The following PTPRD variants were observed in gnomAD, a reference collection of about 807,000 sequenced individuals.
PTPRD encodes the protein receptor-type tyrosine-protein phosphatase delta.
Under a neutral mutation model 214.5 loss-of-function variants are expected in PTPRD, and 34 were observed. That is an observed-to-expected ratio of 0.16 (90% CI 0.12 to 0.21). PTPRD has a LOEUF of 0.21. Ranked by LOEUF, PTPRD falls within the 10% of genes least tolerant of loss-of-function variation. PTPRD has a pLI of 1.00. For missense variants in PTPRD, 2,545 were observed against 2,398.7 expected (o/e 1.06, Z -1.27); for synonymous variants, 1,128 against 845.7 (o/e 1.33, Z -5.79).
chr9:10,033,982 T>C (rs573490274), intron 3 of PTPRD, among the ~76,000 whole-genome samples, 192 bp from the exon 4 acceptor site: 17 of 152,256 alleles, frequency 1.1e-4, no homozygotes, highest in African/African-American at 3.4e-4. Flanking sequence ...ATGTAAAGTA[T>C]TGTAGCCTAT....
intron 4 of PTPRD, among the ~76,000 whole-genome samples, chr9:9,963,249 T>C (rs2094476667): frequency 6.6e-6 from 1 of 152,120 alleles, no homozygotes; most frequent in African/African-American, 2.4e-5. Flanking sequence ...CTTACTTGAC[T>C]CCATTAAACA....
intron 5 of PTPRD, among the ~76,000 whole-genome samples, chr9:9,788,938 C>T (rs189193562): frequency 1.3e-5 from 2 of 152,292 alleles, no homozygotes; most frequent in African/African-American, 4.8e-5. Flanking sequence ...TATCGCTTTA[C>T]TCACAAGTTT....
intron 7 of PTPRD, among the ~76,000 whole-genome samples, chr9:9,686,393 A>G (rs1016550047): frequency 2.0e-5 from 3 of 151,356 alleles, no homozygotes; most frequent in Non-Finnish European, 4.4e-5. Flanking sequence ...CTGATCTGAT[A>G]TATATTTTCC....
rs919840948 is a variant in PTPRD at position 9,480,095 on chromosome 9, C to T, written c.-236-82613G>A. 3.3e-5 allele frequency among the ~76,000 whole-genome samples: 5 copies of T among 152,122 alleles called. No individual in the cohort carries two copies. In the East Asian group the frequency reaches 5.8e-4, roughly 18 times the overall value. ...TGCTATCAAAAATGCCATGAAAATA[C>T]TGCCCACAAAATTTGTTCCTGGGCA... On this transcript the variant is annotated intron_variant, in intron 8 of 45. Transcript: ENST00000381196.
At chr9:10,447,603 T>C (rs558348309) in intron 2 of PTPRD, among the ~76,000 whole-genome samples, 1 of 152,074 alleles carries the variant, frequency 6.6e-6, no homozygotes, top group South Asian at 2.1e-4. Flanking sequence ...TAACTAATCA[T>C]ACTATATACA....
intron 39 of PTPRD, among the ~76,000 whole-genome samples, chr9:8,357,074 T>C (rs1192600199): frequency 6.6e-6 from 1 of 152,188 alleles, no homozygotes; most frequent in Admixed American, 6.5e-5. Flanking sequence ...CTATTTTACA[T>C]AAGCTATACG....
rs1840965471 is a variant in PTPRD at position 8,331,457 on chromosome 9, T to TTTAAGTTTTGTAATA, written c.5534+110_5534+124dup. The TTTAAGTTTTGTAATA allele has an allele frequency of 5.5e-6, 6 of 1,099,370 alleles. No homozygotes were observed. The Admixed American group carries it at 1.6e-4, about 29-fold the overall frequency. 68.1% of individuals were successfully genotyped at this position (1,099,370 alleles called of 1,614,324 possible). On this transcript the variant is annotated intron_variant, in intron 44 of 45. Transcript: ENST00000381196. Reference sequence around the variant, plus strand: ...GAAAAGAAAGAGAAATCAATCCTGCTTTAAGTTTTGTAATACATTGCCAAG... The same window carrying TTTAAGTTTTGTAATA: ...GAAAAGAAAGAGAAATCAATCCTGCTTTAAGTTTTGTAATATTAAGTTTTGTAATACATTGCCAAG...
At position 10,126,419 on chromosome 9, in the gene PTPRD, TTATA is replaced by T. The variant is rs202005882; in HGVS notation, c.-544-92633_-544-92630del. ...ATTTGATTCCTTAAATAATACTGTT[TTATA>T]TATACACACACACACACACACACAC... is the stretch of plus-strand genomic sequence containing the variant. On this transcript the variant is annotated intron_variant, in intron 3 of 45. Coordinates refer to ENST00000381196, the MANE Select transcript of PTPRD (RefSeq NM_002839.4). Among the ~76,000 whole-genome samples the T allele has an allele frequency of 2.5e-3, 345 of 135,596 alleles. 2 individuals are homozygous for T. The highest frequency in any genetic ancestry group is 9.4e-3 in the African/African-American group (330 of 35,282). The allele number at this position is 135,596 out of a possible 152,430, so 89.0% of individuals were successfully genotyped here.
At chr9:8,374,149 T>C (rs2134644360) in intron 39 of PTPRD, among the ~76,000 whole-genome samples, 1 of 145,106 alleles carries the variant, frequency 6.9e-6, no homozygotes, top group South Asian at 2.2e-4. Context: ...TGTGTGTGTG[T>C]GTGTACCGTA....
chr9:10,188,921 G>A (rs1398085516), intron 3 of PTPRD, among the ~76,000 whole-genome samples: 1 of 152,130 alleles, frequency 6.6e-6, no homozygotes, highest in Non-Finnish European at 1.5e-5. Flanking sequence ...AATTTAACTG[G>A]CTTTGCCTGG....
intron 2 of PTPRD, among the ~76,000 whole-genome samples, chr9:10,574,301 A>C (rs1228423497): frequency 6.6e-6 from 1 of 151,962 alleles, no homozygotes; most frequent in African/African-American, 2.4e-5. Flanking sequence ...CAAGTTTGTC[A>C]TTACAGAGAT....
chr9:10,019,546 G>C (rs918138413), intron 4 of PTPRD, among the ~76,000 whole-genome samples: 1 of 152,140 alleles, frequency 6.6e-6, no homozygotes, highest in African/African-American at 2.4e-5. Flanking sequence ...AACAATGATA[G>C]ACTGGATTAA....
chr9:9,333,050 T>G lies in PTPRD; in HGVS notation c.-203+64399A>C, dbSNP rs140702522. Among the ~76,000 whole-genome samples the G allele has an allele frequency of 1.3e-3, 203 of 152,096 alleles. 1 individual carries two copies. Among genetic ancestry groups the G allele is most frequent in the African/African-American group, 4.8e-3 (199 of 41,538 alleles). ...GGTGGAACACAGAGCACTTCAAGCA[T>G]TTATTAAATGTTTGAGCTGTTCGGG... On this transcript the variant is annotated intron_variant, in intron 9 of 45. Transcript: ENST00000381196.
intron 5 of PTPRD, among the ~76,000 whole-genome samples, chr9:9,786,709 A>T (rs2098927033): frequency 6.6e-6 from 1 of 152,194 alleles, no homozygotes; most frequent in Admixed American, 6.5e-5. Flanking sequence ...CCAACATGGC[A>T]CATGTACACA....
intron 11 of PTPRD, chr9:8,860,395 A>G (rs2098079696): frequency 6.6e-6 from 1 of 152,232 alleles, no homozygotes; most frequent in Admixed American, 6.5e-5. Context: ...CTTTTCTGAC[A>G]CTGTGAAGTC....
At chr9:10,140,778 C>G (rs79745864) in intron 3 of PTPRD, among the ~76,000 whole-genome samples, 8,679 of 151,678 alleles carry the variant, frequency 0.057, 342 homozygotes, top group Admixed American at 0.13. Flanking sequence ...ATACCAAAGC[C>G]GGGCAGAGAC....
At chr9:9,220,896 C>T (rs967419745) in intron 9 of PTPRD, among the ~76,000 whole-genome samples, 5 of 152,080 alleles carry the variant, frequency 3.3e-5, no homozygotes, top group African/African-American at 1.2e-4. Context: ...ATTTTGCTGA[C>T]ACTTGCAGGT....
At chr9:9,517,510 T>C (rs1569568955) in intron 8 of PTPRD, among the ~76,000 whole-genome samples, 1 of 152,020 alleles carries the variant, frequency 6.6e-6, no homozygotes, top group Admixed American at 6.6e-5. Context: ...AGCTTTCTTA[T>C]CCTCTGCACT....
chr9:10,018,838 C>A (rs1055331121), intron 4 of PTPRD, among the ~76,000 whole-genome samples: 8 of 151,920 alleles, frequency 5.3e-5, no homozygotes, highest in Non-Finnish European at 1.0e-4. Context: ...CGTGAGCCAC[C>A]GCGCCCGGCC....
Sources: gnomAD v4.1 joint callset for allele counts (sites outside exome capture counted in the v4.1 genomes callset) on GRCh38, gnomAD v4.1.1 for gene constraint, MANE v1.5 for transcripts, NCBI Gene and HGNC (gene_info 2026-07-23, HGNC 2026-07-21) for gene names.